The following THSD7B variants were observed in gnomAD, a reference collection of about 807,000 sequenced individuals.
THSD7B encodes thrombospondin type 1 domain containing 7B.
In THSD7B, 138 loss-of-function variants were observed where a neutral mutation model predicts 213.6. The ratio of observed to expected loss-of-function variants is 0.65; its 90% CI spans 0.56 to 0.74. The LOEUF (loss-of-function observed/expected upper bound fraction) is 0.74. Among genes scored for constraint, THSD7B ranks in the 30% least tolerant of loss-of-function variants. The pLI is 0.00. For missense variants in THSD7B, 1,931 were observed against 1,991.5 expected (o/e 0.97, Z 0.58); for synonymous variants, 742 against 687.0 (o/e 1.08, Z -1.25).
At chr2:136,839,367 C>T (rs574029823) in intron 1 of THSD7B, among the ~76,000 whole-genome samples, 1 of 152,328 alleles carries the variant, frequency 6.6e-6, no homozygotes, top group African/African-American at 2.4e-5. Context: ...AACTTCTTAT[C>T]CTCCATCCTC....
chr2:137,567,030 G>T (rs1162631556), intron 16 of THSD7B, among the ~76,000 whole-genome samples: 1 of 152,110 alleles, frequency 6.6e-6, no homozygotes, highest in South Asian at 2.1e-4. Context: ...GTAACAAGCT[G>T]TCCCATATGA....
intron 10 of THSD7B, among the ~76,000 whole-genome samples, chr2:137,245,972 T>C (rs143144744): frequency 6.6e-6 from 1 of 152,316 alleles, no homozygotes; most frequent in East Asian, 1.9e-4. Flanking sequence ...TCCCAGGTGA[T>C]ACATATATGT....
At chr2:137,063,930 G>T (rs1687327599) in intron 3 of THSD7B, among the ~76,000 whole-genome samples, 1 of 152,016 alleles carries the variant, frequency 6.6e-6, no homozygotes. Context: ...GGACACTTGG[G>T]TTGCTTCCAA....
intron 2 of THSD7B, among the ~76,000 whole-genome samples, chr2:136,893,492 A>C (rs1683899794): frequency 7.4e-6 from 1 of 134,390 alleles, no homozygotes; most frequent in Non-Finnish European, 1.8e-5. Flanking sequence ...ATATAAATAC[A>C]AACAAAGGTC....
intron 24 of THSD7B, among the ~76,000 whole-genome samples, chr2:137,659,394 T>G (rs2028864): frequency 6.6e-6 from 1 of 152,076 alleles, no homozygotes. Flanking sequence ...ATAGACTTTG[T>G]GCTCAAGCAT....
At chr2:137,645,179 G>A (rs1350480394) in intron 21 of THSD7B, among the ~76,000 whole-genome samples, 2 of 152,184 alleles carry the variant, frequency 1.3e-5, no homozygotes, top group African/African-American at 2.4e-5. Context: ...TGGGCAGGAA[G>A]TAGATAAGTT....
chr2:137,596,974 G>A (rs1426739012), intron 17 of THSD7B, among the ~76,000 whole-genome samples: 1 of 152,100 alleles, frequency 6.6e-6, no homozygotes, highest in Non-Finnish European at 1.5e-5. Flanking sequence ...ACAACCACAT[G>A]TGGTGATTAG....
intron 5 of THSD7B, among the ~76,000 whole-genome samples, chr2:137,140,157 C>A (rs981716826): frequency 6.6e-6 from 1 of 151,612 alleles, no homozygotes; most frequent in African/African-American, 2.4e-5. Context: ...CACACACACA[C>A]TATATATATA....
intron 25 of THSD7B, among the ~76,000 whole-genome samples, chr2:137,661,681 G>A (rs1683347092): frequency 6.6e-6 from 1 of 152,136 alleles, no homozygotes; most frequent in South Asian, 2.1e-4. Flanking sequence ...AAGAAAGGAA[G>A]TAAAGTACAC....
intron 16 of THSD7B, among the ~76,000 whole-genome samples, chr2:137,568,840 C>A (rs1449988944): frequency 6.6e-6 from 1 of 152,166 alleles, no homozygotes; most frequent in Non-Finnish European, 1.5e-5. Context: ...CCAAGCCTAA[C>A]CATATCAGCC....
chr2:136,902,559 T>C (rs1259539904), intron 2 of THSD7B, among the ~76,000 whole-genome samples: 1 of 152,208 alleles, frequency 6.6e-6, no homozygotes, highest in Non-Finnish European at 1.5e-5. Context: ...GTTCACTTTC[T>C]TCTTCCACAT....
chr2:137,607,998 T>G (rs78812940), intron 17 of THSD7B, among the ~76,000 whole-genome samples: 1 of 152,184 alleles, frequency 6.6e-6, no homozygotes, highest in African/African-American at 2.4e-5. Context: ...TTACCAGGAA[T>G]GTTTTATCAT....
At chr2:137,115,457 C>G (rs534524479) in intron 5 of THSD7B, among the ~76,000 whole-genome samples, 164 bp downstream of exon 5, 1 of 152,236 alleles carries the variant, frequency 6.6e-6, no homozygotes, top group East Asian at 1.9e-4. Context: ...CCACTTGTAA[C>G]ACTTGGGATA....
chr2:137,384,352 C>A (rs1196231831), intron 12 of THSD7B, among the ~76,000 whole-genome samples: 1 of 152,206 alleles, frequency 6.6e-6, no homozygotes, highest in Non-Finnish European at 1.5e-5. Context: ...TCTTTCTCTG[C>A]AACCTGTCTG....
chr2:137,114,276 C>T (rs986352595), intron 4 of THSD7B, among the ~76,000 whole-genome samples: 8 of 152,104 alleles, frequency 5.3e-5, no homozygotes, highest in African/African-American at 1.2e-4. Context: ...TTACGAATGC[C>T]GCAAGGTTAT....
chr2:137,143,640 G>A (rs775453141), intron 5 of THSD7B, among the ~76,000 whole-genome samples: 4 of 152,238 alleles, frequency 2.6e-5, no homozygotes, highest in East Asian at 3.9e-4. Context: ...TTCACACTGT[G>A]TCTATTTAAG....
chr2:137,676,625 T>G lies in THSD7B; in HGVS notation c.*20T>G, dbSNP rs375759031. On this transcript the variant is annotated 3_prime_UTR_variant, in exon 28 of 28. Transcript: ENST00000409968. ...ATGTAATCTGAAAAAGAAATCCAAATGTAGACATCAACTGCCTTAACCGCT... is the reference window on the plus strand; with the variant it reads ...ATGTAATCTGAAAAAGAAATCCAAAGGTAGACATCAACTGCCTTAACCGCT... 3 of 1,544,976 alleles carry G rather than the reference T, an allele frequency of 1.9e-6. No individual in the cohort carries two copies. The highest frequency in any genetic ancestry group is 2.6e-6 in the Non-Finnish European group (3 of 1,150,270).
chr2:137,119,873 C>T (rs761732749), intron 5 of THSD7B, among the ~76,000 whole-genome samples: 2 of 152,110 alleles, frequency 1.3e-5, no homozygotes, highest in Non-Finnish European at 2.9e-5. Context: ...AATTTATATT[C>T]TTAGCTGATA....
At chr2:137,444,782 C>G (rs187203708) in intron 14 of THSD7B, among the ~76,000 whole-genome samples, 2 of 151,966 alleles carry the variant, frequency 1.3e-5, no homozygotes, top group Non-Finnish European at 2.9e-5. Context: ...TCACATCCAG[C>G]TAAAAAGTTT....
Sources: allele counts gnomAD v4.1 joint callset (sites outside exome capture counted in the v4.1 genomes callset), GRCh38; gene constraint gnomAD v4.1.1; transcripts MANE v1.5; gene names NCBI Gene and HGNC (gene_info 2026-07-23, HGNC 2026-07-21).